PRKG1: variants seen among roughly 807,000 people sequenced by gnomAD.
PRKG1 encodes cGMP-dependent protein kinase 1.
PRKG1 carries 35 observed loss-of-function variants against 88.1 expected under a neutral mutation model. The ratio of observed to expected loss-of-function variants is 0.40; its 90% CI spans 0.30 to 0.53. The LOEUF is 0.53. PRKG1 is among the 20% of genes least tolerant of loss of function. The pLI is 0.59. For synonymous variants in PRKG1, 303 were observed against 292.5 expected (o/e 1.04, Z -0.37); for missense variants, 540 against 839.8 (o/e 0.64, Z 4.41).
In PRKG1 at chr10:51,726,085, T is replaced by G. The variant is rs2339811; in HGVS notation, c.593-78500T>G. ...TAGTTGATCATGAAAGTTGACTAGC[T>G]CTTATACACTACCTCTGTGTAATTT... is the stretch of plus-strand genomic sequence containing the variant. On this transcript the variant is annotated intron_variant, in intron 3 of 17. Transcript: ENST00000373980. Among the ~76,000 whole-genome samples the G allele has an allele frequency of 8.2e-3, 1,253 of 152,350 alleles. 20 individuals are homozygous for G. Among genetic ancestry groups the G allele is most frequent in the African/African-American group, 0.028 (1,175 of 41,578 alleles).
At chr10:51,800,095 C>T (rs999525949) in intron 3 of PRKG1, among the ~76,000 whole-genome samples, 3 of 151,884 alleles carry the variant, frequency 2.0e-5, no homozygotes, top group Non-Finnish European at 4.4e-5. Context: ...ATAAAAATAG[C>T]CGCTGTTTCT....
intron 3 of PRKG1, among the ~76,000 whole-genome samples, chr10:51,693,727 C>T (rs1285249636): frequency 6.6e-6 from 1 of 152,102 alleles, no homozygotes; most frequent in African/African-American, 2.4e-5. Flanking sequence ...TGACACAATT[C>T]ATGCCCTCAA....
In PRKG1 at chr10:51,258,074, G is replaced by A. The variant is rs150303246; in HGVS notation, c.478+104744G>A. Among the ~76,000 whole-genome samples, 169 of 152,202 alleles carry A rather than the reference G, an allele frequency of 1.1e-3. 5 individuals carry two copies. In the East Asian group the frequency reaches 0.031, roughly 28 times the overall value. On this transcript the variant is annotated intron_variant, in intron 2 of 17. Coordinates refer to ENST00000373980, the MANE Select transcript of PRKG1 (RefSeq NM_006258.4). ...GAAGGGGAAACAAATGAATCCACAGGGAAGGCTTATGGATGACCACGAAGC... is the reference window on the plus strand; with the variant it reads ...GAAGGGGAAACAAATGAATCCACAGAGAAGGCTTATGGATGACCACGAAGC...
chr10:51,021,379 G>C (rs1189144925), intron 1 of PRKG1, among the ~76,000 whole-genome samples: 1 of 152,100 alleles, frequency 6.6e-6, no homozygotes, highest in African/African-American at 2.4e-5. Flanking sequence ...CCACCCTCTT[G>C]CTTCCCATAG....
At chr10:51,712,699 C>A (rs1278212593) in intron 3 of PRKG1, among the ~76,000 whole-genome samples, 1 of 147,868 alleles carries the variant, frequency 6.8e-6, no homozygotes, top group East Asian at 2.0e-4. Flanking sequence ...ACGCTATTCT[C>A]CTGCCTCAGC....
At chr10:52,148,176 T>C (rs1837784189) in intron 8 of PRKG1, among the ~76,000 whole-genome samples, 1 of 152,230 alleles carries the variant, frequency 6.6e-6, no homozygotes, top group African/African-American at 2.4e-5. Flanking sequence ...CTTAGCCTTG[T>C]CACTTATGTA....
chr10:52,113,376 A>G (rs1589617447), intron 7 of PRKG1, among the ~76,000 whole-genome samples: 1 of 152,042 alleles, frequency 6.6e-6, no homozygotes, highest in Non-Finnish European at 1.5e-5. Context: ...GAATGGATGG[A>G]TGGATGGATA....
At position 51,698,030 on chromosome 10, in the gene PRKG1, C is replaced by A. The variant is rs752349537; in HGVS notation, c.593-106555C>A. 32 of 1,613,920 alleles carry A rather than the reference C, an allele frequency of 2.0e-5. No individual in the cohort carries two copies. The highest frequency in any genetic ancestry group is 2.5e-5 in the Non-Finnish European group (29 of 1,180,002). ...TCCTTGTATGCCTGTACCCTGCATA[C>A]CAGCTCCAGGATTCCCCACCCCTGA... On this transcript the variant is annotated intron_variant, in intron 3 of 17. Transcript: ENST00000373980.
chr10:51,411,383 G>C (rs536096634), intron 2 of PRKG1, among the ~76,000 whole-genome samples: 11 of 152,286 alleles, frequency 7.2e-5, no homozygotes, highest in Admixed American at 2.0e-4. Context: ...GAATGTTTAG[G>C]TAAGGACAGG....
intron 4 of PRKG1, among the ~76,000 whole-genome samples, chr10:51,834,940 G>C (rs534113611): frequency 1.3e-5 from 2 of 152,082 alleles, no homozygotes; most frequent in Middle Eastern, 3.4e-3. Context: ...GAAAGTCTTA[G>C]AAAAATGTAT....
At chr10:51,558,565 G>A (rs899542473) in intron 3 of PRKG1, among the ~76,000 whole-genome samples, 2 of 152,072 alleles carry the variant, frequency 1.3e-5, no homozygotes, top group African/African-American at 4.8e-5. Context: ...ATGGTAAAGT[G>A]AGTCTTCCTA....
intron 3 of PRKG1, among the ~76,000 whole-genome samples, chr10:51,684,849 A>C (rs1025485208): frequency 1.3e-5 from 2 of 152,070 alleles, no homozygotes; most frequent in African/African-American, 4.8e-5. Flanking sequence ...CCTGGGTGAC[A>C]GAGAGAGATC....
Position 51,614,497 on chromosome 10 carries a change from T to A in PRKG1, c.592+146661T>A, listed in dbSNP as rs535399280. On this transcript the variant is annotated intron_variant, in intron 3 of 17. Coordinates refer to ENST00000373980, the MANE Select transcript of PRKG1 (RefSeq NM_006258.4). ...TTAAATGTATTCCGCCAGTCTATAC[T>A]TTTTAAGTGGAGAATTTAATCTATT... Among the ~76,000 whole-genome samples, 7 of 151,988 alleles carry A rather than the reference T, an allele frequency of 4.6e-5. No individual in the cohort carries two copies. The South Asian group carries it at 1.5e-3, about 32-fold the overall frequency.
At chr10:51,514,135 A>C (rs1841505234) in intron 3 of PRKG1, among the ~76,000 whole-genome samples, 1 of 147,062 alleles carries the variant, frequency 6.8e-6, no homozygotes, top group Non-Finnish European at 1.5e-5. Context: ...GAAGAATCAA[A>C]TAGACACAAT....
Position 52,152,590 on chromosome 10 carries a change from G to A in PRKG1, c.1002-9299G>A, listed in dbSNP as rs186712630. Reference sequence around the variant, plus strand: ...CCAGGCAGAAGACAAAGGCCCTGAGGCAGATGCGTGAAGTATTCTATGGTC... The same window carrying A: ...CCAGGCAGAAGACAAAGGCCCTGAGACAGATGCGTGAAGTATTCTATGGTC... On this transcript the variant is annotated intron_variant, in intron 8 of 17. Transcript: ENST00000373980. Among the ~76,000 whole-genome samples the A allele has an allele frequency of 9.1e-4, 139 of 152,238 alleles. 1 individual carries two copies. The highest frequency in any genetic ancestry group is 3.3e-3 in the African/African-American group (138 of 41,558).
intron 3 of PRKG1, among the ~76,000 whole-genome samples, chr10:51,562,714 T>C (rs541305202): frequency 1.9e-4 from 29 of 152,242 alleles, no homozygotes; most frequent in African/African-American, 6.7e-4. Context: ...ATTTTGAAAA[T>C]GTAAGTAACA....
At chr10:51,078,385 ATT>A (rs34894735) in intron 1 of PRKG1, among the ~76,000 whole-genome samples, 4 of 85,738 alleles carry the variant, frequency 4.7e-5, no homozygotes, top group Admixed American at 1.3e-4. Context: ...ATGCCTGGCT[ATT>A]TTTTTTTTTT....
intron 1 of PRKG1, among the ~76,000 whole-genome samples, chr10:51,126,227 AT>A (rs1564610408): frequency 1.4e-3 from 175 of 120,732 alleles, no homozygotes; most frequent in African/African-American, 5.3e-3. Flanking sequence ...ATATATTTAT[AT>A]ATTTATAATT....
chr10:51,306,918 C>A (rs2132250844), intron 2 of PRKG1, among the ~76,000 whole-genome samples: 2 of 152,192 alleles, frequency 1.3e-5, no homozygotes, highest in South Asian at 4.1e-4. Flanking sequence ...TGTTTGAAGT[C>A]ATGGAGTCTA....
Sources: allele counts gnomAD v4.1 joint callset (sites outside exome capture counted in the v4.1 genomes callset), GRCh38; gene constraint gnomAD v4.1.1; transcripts MANE v1.5; gene names NCBI Gene and HGNC (gene_info 2026-07-23, HGNC 2026-07-21).